The following CD28 variants were observed in gnomAD, a reference collection of about 807,000 sequenced individuals.
The protein encoded by CD28 is CD28 molecule, also known as T-cell-specific surface glycoprotein CD28.
CD28 carries 8 observed loss-of-function variants against 21.4 expected under a neutral mutation model. The observed-to-expected ratio is 0.37, with a 90% CI of 0.22 to 0.68. The LOEUF is 0.68. Ranked by LOEUF, CD28 falls within the 30% of genes least tolerant of loss-of-function variation. The probability of loss-of-function intolerance (pLI) is 0.55; values close to 1 mark genes in which losing one functional copy is unlikely to be tolerated. For synonymous variants in CD28, 106 were observed against 104.0 expected, an observed-to-expected ratio of 1.02 and a Z score of -0.12; for missense variants, 239 against 272.2, an observed-to-expected ratio of 0.88 and a Z score of 0.86.
At chr2:203,714,733 T>C (rs1183678568) in intron 1 of CD28, among the ~76,000 whole-genome samples, 3 of 152,180 alleles carry the variant, frequency 2.0e-5, no homozygotes, top group Non-Finnish European at 4.4e-5. Flanking sequence ...GCAGCTCAAC[T>C]ACCCCATCCC....
chr2:203,707,649 G>A (rs901522891), intron 1 of CD28, among the ~76,000 whole-genome samples: 25 of 152,284 alleles, frequency 1.6e-4, no homozygotes, highest in East Asian at 3.9e-4. Context: ...CACAGTTCTC[G>A]TAACTAGAAG....
intron 1 of CD28, among the ~76,000 whole-genome samples, chr2:203,713,446 A>G (rs1220682219): frequency 6.6e-6 from 1 of 152,154 alleles, no homozygotes; most frequent in Non-Finnish European, 1.5e-5. Context: ...GAAAGTGGTG[A>G]GAGAGGCAGG....
At position 203,706,666 on chromosome 2, in the gene CD28, G is replaced by T; in HGVS notation, c.-31G>T. The T allele has an allele frequency of 6.2e-7, 1 of 1,614,090 alleles. No individual in the cohort carries two copies. Among genetic ancestry groups the T allele is most frequent in the Non-Finnish European group, 8.5e-7 (1 of 1,180,008 alleles). On this transcript the variant is annotated 5_prime_UTR_variant, in exon 1 of 4. Transcript: ENST00000324106. The stretch of plus-strand genomic sequence containing the variant: ...ACTTCGGGTTCCTCGGGGAGGAGGG[G>T]CTGGAACCCTAGCCCATCGTCAGGA...
chr2:203,726,890 G>A lies in CD28; in HGVS notation c.310G>A (p.Val104Ile). The change falls in exon 2 of 4, where the codon GTT (valine) becomes ATT (isoleucine). Residue 104 changes from valine to isoleucine, a missense_variant. Coordinates refer to ENST00000324106, the MANE Select transcript of CD28 (RefSeq NM_006139.4). Reference sequence around the variant, plus strand: ...GACATTCTACCTCCAGAATTTGTATGTTAACCAAACAGATATTTACTTCTG... The same window carrying A: ...GACATTCTACCTCCAGAATTTGTATATTAACCAAACAGATATTTACTTCTG... ...SVTFYLQNLY[V>I]NQTDIYFCKI... 2.5e-6 allele frequency: 4 copies of A among 1,613,894 alleles called. No homozygotes were observed. The highest frequency in any genetic ancestry group is 3.4e-6 in the Non-Finnish European group (4 of 1,179,796).
chr2:203,728,848 C>T (rs926377103), intron 2 of CD28, among the ~76,000 whole-genome samples: 2 of 152,068 alleles, frequency 1.3e-5, no homozygotes, highest in Non-Finnish European at 2.9e-5. Context: ...CACCAATGAT[C>T]CTGTACTTAG....
At chr2:203,725,293 GAAAA>G (rs10712299) in intron 1 of CD28, among the ~76,000 whole-genome samples, 1 of 142,584 alleles carries the variant, frequency 7.0e-6, no homozygotes, top group African/African-American at 2.6e-5. Context: ...TCCGTCTCCA[GAAAA>G]AAAAAAAAAA....
chr2:203,717,284 A>G (rs1693485235), intron 1 of CD28, among the ~76,000 whole-genome samples: 1 of 152,240 alleles, frequency 6.6e-6, no homozygotes, highest in Non-Finnish European at 1.5e-5. Flanking sequence ...TGTGCTTGGT[A>G]TAACTGATAG....
intron 1 of CD28, among the ~76,000 whole-genome samples, chr2:203,721,171 A>G (rs556480686): frequency 6.6e-6 from 1 of 152,372 alleles, no homozygotes; most frequent in Non-Finnish European, 1.5e-5. Context: ...AGCTAATTTA[A>G]AAATGATCTA....
intron 1 of CD28, among the ~76,000 whole-genome samples, chr2:203,713,009 A>G (rs1693357652): frequency 6.6e-6 from 1 of 152,164 alleles, no homozygotes; most frequent in African/African-American, 2.4e-5. Context: ...GCTACTAAGT[A>G]TGTAAATCCA....
At position 203,726,721 on chromosome 2, in the gene CD28, C is replaced by T. The variant is rs752091786; in HGVS notation, c.141C>T (p.Phe47=). Residue 47 remains phenylalanine (F), a synonymous_variant, in exon 2 of 4, where the codon TTC becomes TTT. Coordinates refer to ENST00000324106, the MANE Select transcript of CD28 (RefSeq NM_006139.4). The part of the protein sequence containing the change: ...NLSCKYSYNL[F]SREFRASLHK... ...GCTGCAAGTATTCCTACAATCTCTTCTCAAGGGAGTTCCGGGCATCCCTTC... is the reference window on the plus strand; with the variant it reads ...GCTGCAAGTATTCCTACAATCTCTTTTCAAGGGAGTTCCGGGCATCCCTTC... 2.5e-6 allele frequency: 4 copies of T among 1,613,980 alleles called. No individual in the cohort carries two copies. In the Admixed American group the frequency reaches 6.7e-5, roughly 27 times the overall value.
intron 1 of CD28, among the ~76,000 whole-genome samples, chr2:203,713,847 GAGAGGGAGA>G (rs1693383294): frequency 1.3e-5 from 1 of 77,292 alleles, no homozygotes; most frequent in Non-Finnish European, 2.9e-5. Flanking sequence ...GAGAGAGAGA[GAGAGGGAGA>G]GAGAGAGAGA....
chr2:203,736,828 C>G lies in CD28; in HGVS notation c.*1916C>G, dbSNP rs1317404223. ...CAAATGTCTCTTCCTATAGTATAAT[C>G]TCCATAAGGGCATGGCCCAAGTCTG... On this transcript the variant is annotated 3_prime_UTR_variant, in exon 4 of 4. Coordinates refer to ENST00000324106, the MANE Select transcript of CD28 (RefSeq NM_006139.4). 1 of 152,200 alleles carries G rather than the reference C, an allele frequency of 6.6e-6. No homozygotes were observed. Among genetic ancestry groups the G allele is most frequent in the Non-Finnish European group, 1.5e-5 (1 of 68,042 alleles). The allele number at this position is 152,200 out of a possible 1,614,324, so 9.4% of individuals were successfully genotyped here.
intron 1 of CD28, among the ~76,000 whole-genome samples, chr2:203,721,518 C>T (rs1351485731): frequency 6.6e-6 from 1 of 152,086 alleles, no homozygotes; most frequent in Non-Finnish European, 1.5e-5. Context: ...ATCCTCCCCA[C>T]AGTCCCCTAA....
chr2:203,713,353 CAG>C (rs1322217105), intron 1 of CD28, among the ~76,000 whole-genome samples: 5 of 152,196 alleles, frequency 3.3e-5, no homozygotes, highest in South Asian at 2.1e-4. Flanking sequence ...TGTAGAAAAA[CAG>C]AGAGTGGAGC....
intron 1 of CD28, among the ~76,000 whole-genome samples, chr2:203,721,828 A>G (rs932128823): frequency 6.6e-6 from 1 of 152,134 alleles, no homozygotes; most frequent in Non-Finnish European, 1.5e-5. Context: ...TTTTTGGGAA[A>G]TCAATTCTTC....
intron 1 of CD28, among the ~76,000 whole-genome samples, chr2:203,717,427 T>C (rs1205419956): frequency 6.6e-6 from 1 of 152,318 alleles, no homozygotes; most frequent in East Asian, 1.9e-4. Context: ...CGCTGTCCCC[T>C]GGTCTCTTTC....
chr2:203,717,346 G>A (rs1366723651), intron 1 of CD28, among the ~76,000 whole-genome samples: 1 of 152,160 alleles, frequency 6.6e-6, no homozygotes. Flanking sequence ...TGCTTCTCTT[G>A]ATGGAAGTCA....
chr2:203,710,090 T>C (rs543081795), intron 1 of CD28, among the ~76,000 whole-genome samples: 2 of 152,240 alleles, frequency 1.3e-5, no homozygotes, highest in Non-Finnish European at 2.9e-5. Context: ...CACAGTTAAG[T>C]GTTGCTCTGA....
rs564573360 is a variant in CD28, at chr2:203,718,065, T to C, written c.53-8568T>C. On this transcript the variant is annotated intron_variant, in intron 1 of 3. Transcript: ENST00000324106. Reference sequence around the variant, plus strand: ...TAGGTCATGAATAGCTTTGTTTTTATCTTCATTGCAGCTCAGAGAGGATGG... The same window carrying C: ...TAGGTCATGAATAGCTTTGTTTTTACCTTCATTGCAGCTCAGAGAGGATGG... 1.2e-4 allele frequency among the ~76,000 whole-genome samples: 18 copies of C among 152,336 alleles called. No homozygotes were observed. The South Asian group carries it at 1.2e-3, about 11-fold the overall frequency.
Sources: allele counts gnomAD v4.1 joint callset (sites outside exome capture counted in the v4.1 genomes callset), GRCh38; gene constraint gnomAD v4.1.1; transcripts MANE v1.5; gene names NCBI Gene and HGNC (gene_info 2026-07-23, HGNC 2026-07-21).